Variants in ACSL4 observed in about 807,000 individuals in gnomAD.
ACSL4 encodes long-chain-fatty-acid--CoA ligase 4.
ACSL4 carries 9 observed loss-of-function variants against 49.1 expected under a neutral mutation model. The observed-to-expected ratio is 0.18, with a 90% CI of 0.11 to 0.32. ACSL4 has a LOEUF of 0.32. ACSL4 is among the 10% of genes least tolerant of loss of function. The probability of loss-of-function intolerance (pLI) is 1.00; values close to 1 mark genes in which losing one functional copy is unlikely to be tolerated. For synonymous variants in ACSL4, 191 were observed against 170.3 expected, an observed-to-expected ratio of 1.12 and a Z score of -0.95; for missense variants, 333 against 493.7, an observed-to-expected ratio of 0.67 and a Z score of 3.08.
intron 2 of ACSL4, among the ~76,000 whole-genome samples, chrX:109,695,205 C>T (rs1267692057): frequency 1.8e-5 from 2 of 108,425 alleles, no homozygotes; most frequent in Non-Finnish European, 3.8e-5. Flanking sequence ...GTTAGCCAGG[C>T]GCCATGGCGG....
At chrX:109,671,944 G>T (rs1439454968) in intron 9 of ACSL4, among the ~76,000 whole-genome samples, 1 of 109,339 alleles carries the variant, frequency 9.1e-6, no homozygotes, top group African/African-American at 3.3e-5. Flanking sequence ...ACTGCGGAAG[G>T]CGGCAGGGCC....
chrX:109,654,841 C>T (rs1603400427), intron 15 of ACSL4, among the ~76,000 whole-genome samples: 6 of 111,921 alleles, frequency 5.4e-5, no homozygotes, highest in Admixed American at 3.8e-4. Context: ...CATTTGTAGG[C>T]AGGTCTACTT....
intron 1 of ACSL4, among the ~76,000 whole-genome samples, chrX:109,730,558 A>T (rs1928347831): frequency 8.9e-6 from 1 of 112,299 alleles, no homozygotes; most frequent in African/African-American, 3.2e-5. Context: ...CCCAAAGTAT[A>T]AACTCATAGA....
intron 1 of ACSL4, among the ~76,000 whole-genome samples, chrX:109,696,880 TA>T (rs917481139): frequency 9.0e-6 from 1 of 110,944 alleles, no homozygotes; most frequent in African/African-American, 3.3e-5. Context: ...CCATCTCTAC[TA>T]AAAATACAAA....
intron 6 of ACSL4, among the ~76,000 whole-genome samples, chrX:109,680,542 C>T (rs1227121813): frequency 1.8e-5 from 2 of 112,387 alleles, no homozygotes; most frequent in Non-Finnish European, 3.8e-5. Context: ...AATGAAATAC[C>T]AACTACCACC....
intron 15 of ACSL4, among the ~76,000 whole-genome samples, chrX:109,650,851 A>C (rs1481126395): frequency 8.9e-6 from 1 of 111,941 alleles, no homozygotes. Context: ...ACTGCCATCC[A>C]TAGGGTTGAG....
intron 1 of ACSL4, among the ~76,000 whole-genome samples, chrX:109,701,753 C>T (rs1329029140): frequency 3.2e-5 from 3 of 92,369 alleles, no homozygotes; most frequent in Non-Finnish European, 4.2e-5. Flanking sequence ...ACTGTGTTAG[C>T]CAGGGTGGTT....
At chrX:109,664,079 T>A (rs1052236403) in intron 12 of ACSL4, among the ~76,000 whole-genome samples, 7 of 111,542 alleles carry the variant, frequency 6.3e-5, no homozygotes, top group Non-Finnish European at 1.9e-5. Flanking sequence ...ATAAAAGGAT[T>A]AAAATCAGGG....
intron 15 of ACSL4, among the ~76,000 whole-genome samples, chrX:109,645,369 CCCCCGAG>C (rs1229337820): frequency 8.9e-6 from 1 of 111,905 alleles, no homozygotes; most frequent in Non-Finnish European, 1.9e-5. Context: ...TGACCCCTGA[CCCCCGAG>C]CAGCCTAAAT....
intron 15 of ACSL4, among the ~76,000 whole-genome samples, chrX:109,656,931 T>C (rs1295987319): frequency 2.7e-5 from 3 of 112,026 alleles, no homozygotes; most frequent in Non-Finnish European, 5.6e-5. Flanking sequence ...CCTGAAACTC[T>C]CTTAGCAGTG....
intron 11 of ACSL4, among the ~76,000 whole-genome samples, chrX:109,666,960 A>T (rs1008701637): frequency 4.5e-5 from 5 of 112,003 alleles, no homozygotes; most frequent in African/African-American, 1.6e-4. Flanking sequence ...AGCAATAAAA[A>T]GTTGGACGAC....
chrX:109,642,237 G>T lies in ACSL4; in HGVS notation c.*1792C>A, dbSNP rs1416234134. ...GGAAAAAAAATCACATATTGGAAAA[G>T]TCTAAGAAACTCATTCTTAAGGGAT... On this transcript the variant is annotated 3_prime_UTR_variant, in exon 16 of 16. Coordinates refer to ENST00000672401, the MANE Select transcript of ACSL4 (RefSeq NM_001318510.2). The T allele has an allele frequency of 1.8e-5, 2 of 111,306 alleles. No homozygotes were observed. Among genetic ancestry groups the T allele is most frequent in the Non-Finnish European group, 3.8e-5 (2 of 52,936 alleles). 9.2% of individuals were successfully genotyped at this position (111,306 alleles called of 1,213,427 possible). A position where few individuals can be genotyped will look rare whatever the true frequency, so the allele number is the denominator to read the frequency against.
intron 9 of ACSL4, among the ~76,000 whole-genome samples, 166 bp from the exon 10 acceptor site, chrX:109,669,339 A>C (rs1398174303): frequency 8.9e-6 from 1 of 111,846 alleles, no homozygotes; most frequent in African/African-American, 3.3e-5. Flanking sequence ...CTACTTCAAA[A>C]AGACTAAGGA....
At chrX:109,677,516 C>T (rs1569426861) in intron 8 of ACSL4, among the ~76,000 whole-genome samples, 1 of 110,900 alleles carries the variant, frequency 9.0e-6, no homozygotes. Context: ...CAGTGGCTCA[C>T]ATCTGTAATC....
intron 1 of ACSL4, among the ~76,000 whole-genome samples, chrX:109,717,149 T>C (rs1927177261): frequency 1.8e-5 from 2 of 111,506 alleles, no homozygotes; most frequent in Admixed American, 9.6e-5. Context: ...TCTCTTACCA[T>C]ACATCTTTAA....
At chrX:109,655,025 T>C (rs904992763) in intron 15 of ACSL4, among the ~76,000 whole-genome samples, 1 of 111,318 alleles carries the variant, frequency 9.0e-6, no homozygotes, top group Non-Finnish European at 1.9e-5. Flanking sequence ...CAGGCTAATA[T>C]TGCCCGGGCA....
rs1178036785 is a variant in ACSL4 at position 109,733,202 on chromosome X, A to G, written c.-129T>C. The G allele has an allele frequency of 3.0e-6, 1 of 328,101 alleles. No individual in the cohort carries two copies. The highest frequency in any genetic ancestry group is 1.0e-4 in the East Asian group (1 of 10,006). 27.0% of individuals were successfully genotyped at this position (328,101 alleles called of 1,213,427 possible). ...GCCTGGCACTCGGAAAGCTCGCAAA[A>G]AGGAACCGCGTGCCCGCTAGCGCTG... On this transcript the variant is annotated 5_prime_UTR_variant, in exon 1 of 16. Coordinates refer to ENST00000672401, the MANE Select transcript of ACSL4 (RefSeq NM_001318510.2).
Position 109,662,973 on chromosome X carries a change from GT to G in ACSL4, c.1582+237del, listed in dbSNP as rs1267096032. On this transcript the variant is annotated intron_variant, in intron 13 of 15. Coordinates refer to ENST00000672401, the MANE Select transcript of ACSL4 (RefSeq NM_001318510.2). ...TAGTGCTGCTAGTACTTACGCTAAGGTTCAGGCTCTGTTTAGAATATTTTAC... is the reference window on the plus strand; with the variant it reads ...TAGTGCTGCTAGTACTTACGCTAAGGTCAGGCTCTGTTTAGAATATTTTAC... Among the ~76,000 whole-genome samples, 12 of 111,449 alleles carry G rather than the reference GT, an allele frequency of 1.1e-4. No homozygotes were observed. In the Admixed American group the frequency reaches 1.1e-3, roughly 11 times the overall value.
In ACSL4 at chrX:109,666,350, T is replaced by C. The variant is rs143420289; in HGVS notation, c.1316-856A>G. On this transcript the variant is annotated intron_variant, in intron 11 of 15. Coordinates refer to ENST00000672401, the MANE Select transcript of ACSL4 (RefSeq NM_001318510.2). ...CCAAGAGAAGGGAAAAGAAAATACA[T>C]AGAGGTGAGACCAAGAATGCCTTCA... Among the ~76,000 whole-genome samples, 73 of 111,347 alleles carry C rather than the reference T, an allele frequency of 6.6e-4. 1 individual carries two copies. In the East Asian group the frequency reaches 0.018, roughly 28 times the overall value.
Sources: allele counts gnomAD v4.1 joint callset (sites outside exome capture counted in the v4.1 genomes callset), GRCh38; gene constraint gnomAD v4.1.1; transcripts MANE v1.5; gene names NCBI Gene and HGNC (gene_info 2026-07-23, HGNC 2026-07-21).